The following MRPS6 variants were observed in gnomAD, a reference collection of about 807,000 sequenced individuals.
MRPS6 encodes mitochondrial ribosomal protein S6.
MRPS6 carries 6 observed loss-of-function variants against 13.1 expected under a neutral mutation model. The ratio of observed to expected loss-of-function variants is 0.46; its 90% CI spans 0.25 to 0.91. The LOEUF (loss-of-function observed/expected upper bound fraction) is 0.91, where lower values mean the gene tolerates loss of function less well. Among genes scored for constraint, MRPS6 ranks in the 40% least tolerant of loss-of-function variants. The pLI is 0.18. For synonymous variants in MRPS6, 61 were observed against 56.5 expected (o/e 1.08, Z -0.36); for missense variants, 164 against 155.6 (o/e 1.05, Z -0.29).
At chr21:34,091,456 C>T (rs1252838581) in intron 1 of MRPS6, among the ~76,000 whole-genome samples, 1 of 152,092 alleles carries the variant, frequency 6.6e-6, no homozygotes, top group Non-Finnish European at 1.5e-5. Flanking sequence ...TATGGTCACC[C>T]AGACAGTACT....
chr21:34,138,907 A>C (rs1223875842), intron 2 of MRPS6, among the ~76,000 whole-genome samples: 1 of 152,002 alleles, frequency 6.6e-6, no homozygotes, highest in East Asian at 1.9e-4. Flanking sequence ...TTGCGGCACT[A>C]TTCACAATAG....
chr21:34,074,045 C>G (rs544192950), intron 1 of MRPS6, among the ~76,000 whole-genome samples: 10 of 146,292 alleles, frequency 6.8e-5, no homozygotes, highest in South Asian at 4.2e-4. Flanking sequence ...GCCCCGACCC[C>G]GATCCCGGCG....
rs138593655 is a variant in MRPS6, at chr21:34,084,625, A to G, written c.45+10880A>G. On this transcript the variant is annotated intron_variant, in intron 1 of 2. Coordinates refer to ENST00000399312, the MANE Select transcript of MRPS6 (RefSeq NM_032476.4). ...AATTCTCTTGAATCCTCAGCCATCT[A>G]AGGTTAGGTAGAGCTATTTCCATTT... Among the ~76,000 whole-genome samples, 37 of 152,292 alleles carry G rather than the reference A, an allele frequency of 2.4e-4. No individual in the cohort carries two copies. In the East Asian group the frequency reaches 7.0e-3, roughly 29 times the overall value.
At chr21:34,133,392 T>C (rs1041610021) in intron 2 of MRPS6, among the ~76,000 whole-genome samples, 1 of 152,184 alleles carries the variant, frequency 6.6e-6, no homozygotes, top group Non-Finnish European at 1.5e-5. Flanking sequence ...TTGAGTTGGT[T>C]GTTGGCATCT....
intron 1 of MRPS6, chr21:34,103,896 A>G (rs913737681): frequency 1.0e-6 from 1 of 1,000,000 alleles, no homozygotes; most frequent in East Asian, 1.1e-4. Context: ...GAAACTGGAG[A>G]AATAGGGACA....
chr21:34,119,505 G>A (rs1006299763), intron 1 of MRPS6, among the ~76,000 whole-genome samples: 1 of 152,186 alleles, frequency 6.6e-6, no homozygotes, highest in Admixed American at 6.5e-5. Context: ...CACAGGTTTT[G>A]ACAGTTCTGT....
intron 2 of MRPS6, 108 bp from the exon 3 acceptor site, chr21:34,142,300 G>T: frequency 1.7e-6 from 2 of 1,206,436 alleles, no homozygotes; most frequent in Non-Finnish European, 2.2e-6. Flanking sequence ...GTGTGTGTTT[G>T]TGTGTAGTTG....
intron 1 of MRPS6, among the ~76,000 whole-genome samples, chr21:34,078,798 C>G (rs544461826): frequency 6.6e-6 from 1 of 152,240 alleles, no homozygotes; most frequent in East Asian, 1.9e-4. Context: ...TGTGATTACT[C>G]ATGTTATAAA....
chr21:34,103,153 A>G (rs1979322390), intron 1 of MRPS6: 2 of 999,694 alleles, frequency 2.0e-6, no homozygotes. Flanking sequence ...AAAGGCCAGT[A>G]TATATGGTAT....
intron 1 of MRPS6, chr21:34,099,326 A>G (rs1979124226): frequency 1.1e-5 from 11 of 1,000,140 alleles, no homozygotes; most frequent in Non-Finnish European, 1.2e-5. Context: ...AACAGAAACC[A>G]GGTCTCCAAA....
chr21:34,116,568 TA>T (rs548423826), intron 1 of MRPS6, among the ~76,000 whole-genome samples: 195 of 149,580 alleles, frequency 1.3e-3, no homozygotes, highest in Non-Finnish European at 2.3e-3. Flanking sequence ...ATGGGTATGG[TA>T]GTTTGCTTAA....
Position 34,142,817 on chromosome 21 carries a change from G to T in MRPS6, c.*217G>T. Reference sequence around the variant, plus strand: ...CTGTAACCTGCAGTACCAGTGGATCGTTCTTGATTTTGTTTTCATTAGTGT... The same window carrying T: ...CTGTAACCTGCAGTACCAGTGGATCTTTCTTGATTTTGTTTTCATTAGTGT... On this transcript the variant is annotated 3_prime_UTR_variant, in exon 3 of 3. Transcript: ENST00000399312. 1 of 406,496 alleles carries T rather than the reference G, an allele frequency of 2.5e-6. No individual in the cohort carries two copies. 25.2% of individuals were successfully genotyped at this position (406,496 alleles called of 1,614,324 possible). A position where few individuals can be genotyped will look rare whatever the true frequency, so the allele number is the denominator to read the frequency against.
At chr21:34,107,593 G>A (rs1235024547) in intron 1 of MRPS6, among the ~76,000 whole-genome samples, 1 of 152,200 alleles carries the variant, frequency 6.6e-6, no homozygotes, top group Non-Finnish European at 1.5e-5. Flanking sequence ...AATCTTGCCT[G>A]AGTTGTTACT....
chr21:34,092,125 CATATATAT>C (rs143732686), intron 1 of MRPS6, among the ~76,000 whole-genome samples: 1 of 149,354 alleles, frequency 6.7e-6, no homozygotes, highest in Non-Finnish European at 1.5e-5. Flanking sequence ...GGAAGAAAAA[CATATATAT>C]ATATATAACA....
intron 2 of MRPS6, among the ~76,000 whole-genome samples, chr21:34,128,135 A>G (rs1449737875): frequency 4.6e-5 from 7 of 152,172 alleles, no homozygotes; most frequent in African/African-American, 1.4e-4. Flanking sequence ...CACAGGTCTC[A>G]GGTTGATTCT....
At chr21:34,124,690 C>G (rs1368017663) in intron 1 of MRPS6, 2 of 152,076 alleles carry the variant, frequency 1.3e-5, no homozygotes, top group East Asian at 1.9e-4. Flanking sequence ...TTAGTGAAAC[C>G]CTTCTTCCAG....
chr21:34,120,449 C>A lies in MRPS6; in HGVS notation c.46-4892C>A, dbSNP rs529974087. Among the ~76,000 whole-genome samples the A allele has an allele frequency of 2.7e-4, 41 of 152,284 alleles. No individual in the cohort carries two copies. The East Asian group carries it at 7.5e-3, about 28-fold the overall frequency. On this transcript the variant is annotated intron_variant, in intron 1 of 2. Coordinates refer to ENST00000399312, the MANE Select transcript of MRPS6 (RefSeq NM_032476.4). ...TTCTAGTCCACTCTTGGAATCCAAT[C>A]AAAATAAAACAAATCTACCTTTTGC...
chr21:34,135,912 G>T, intron 2 of MRPS6: 2 of 478,322 alleles, frequency 4.2e-6, no homozygotes, highest in South Asian at 2.4e-5. Flanking sequence ...GCAGGTACTT[G>T]GCATACTTCT....
intron 2 of MRPS6, among the ~76,000 whole-genome samples, chr21:34,127,090 G>T (rs1239355797): frequency 6.6e-6 from 1 of 152,202 alleles, no homozygotes; most frequent in Non-Finnish European, 1.5e-5. Flanking sequence ...AGGTGCATGT[G>T]CCTCGCTGAG....
Sources: gnomAD v4.1 joint callset for allele counts (sites outside exome capture counted in the v4.1 genomes callset) on GRCh38, gnomAD v4.1.1 for gene constraint, MANE v1.5 for transcripts, NCBI Gene and HGNC (gene_info 2026-07-23, HGNC 2026-07-21) for gene names.